The following UBE3C variants were observed in gnomAD, a reference collection of about 807,000 sequenced individuals.
UBE3C encodes the protein ubiquitin protein ligase E3C.
UBE3C carries 42 observed loss-of-function variants against 129.4 expected under a neutral mutation model. The ratio of observed to expected loss-of-function variants is 0.32; its 90% CI spans 0.25 to 0.42. The LOEUF is 0.42. Ranked by LOEUF, UBE3C falls within the 10% of genes least tolerant of loss-of-function variation. UBE3C has a pLI of 1.00. For missense variants in UBE3C, 1,049 were observed against 1,319.1 expected (o/e 0.80, Z 3.17); for synonymous variants, 510 against 492.4 (o/e 1.04, Z -0.47).
chr7:157,192,562 C>T (rs1808999213), intron 10 of UBE3C: 7 of 765,264 alleles, frequency 9.1e-6, no homozygotes, highest in East Asian at 2.4e-5. Flanking sequence ...AAGGAGCTTA[C>T]TCTTCATCTT....
chr7:157,144,413 G>A (rs1041994210), intron 1 of UBE3C, among the ~76,000 whole-genome samples: 16 of 152,128 alleles, frequency 1.1e-4, no homozygotes, highest in Admixed American at 8.5e-4. Context: ...TTTGGGAGAC[G>A]GGGGAAACTT....
In UBE3C at chr7:157,269,242, G is replaced by A. The variant is rs1405469908; in HGVS notation, c.*1487G>A. On this transcript the variant is annotated 3_prime_UTR_variant, in exon 23 of 23. Coordinates refer to ENST00000348165, the MANE Select transcript of UBE3C (RefSeq NM_014671.3). ...ATATTTTATTAGTATTTTGGAAATA[G>A]CATATCTGAGACTGAAGAGAAATTG... is the stretch of plus-strand genomic sequence containing the variant. The A allele has an allele frequency of 6.6e-6, 1 of 152,462 alleles. No homozygotes were observed. Among genetic ancestry groups the A allele is most frequent in the Admixed American group, 6.6e-5 (1 of 15,266 alleles). The allele number at this position is 152,462 out of a possible 1,614,324, so 9.4% of individuals were successfully genotyped here.
chr7:157,147,983 A>G (rs1807652886), intron 1 of UBE3C, among the ~76,000 whole-genome samples: 1 of 152,200 alleles, frequency 6.6e-6, no homozygotes, highest in Non-Finnish European at 1.5e-5. Flanking sequence ...GATGAGGGAC[A>G]TCAATTTAGG....
intron 21 of UBE3C, 51 bp downstream of exon 21, chr7:157,254,361 A>G (rs748225243): frequency 4.4e-5 from 49 of 1,110,984 alleles, no homozygotes; most frequent in Non-Finnish European, 5.8e-5. Flanking sequence ...AGGTGGTCAT[A>G]TTTCCAAAGT....
intron 16 of UBE3C, among the ~76,000 whole-genome samples, chr7:157,224,770 G>C (rs927010987): frequency 2.7e-5 from 3 of 111,650 alleles, no homozygotes; most frequent in African/African-American, 9.9e-5. Context: ...CTCCCTGCAC[G>C]TGCGTACACA....
intron 19 of UBE3C, among the ~76,000 whole-genome samples, chr7:157,249,091 A>G (rs1366812187): frequency 2.0e-5 from 3 of 152,214 alleles, no homozygotes; most frequent in Non-Finnish European, 2.9e-5. Context: ...CTTTATCAAC[A>G]TGTAACTCAC....
chr7:157,199,305 C>G (rs1809212808), intron 10 of UBE3C, among the ~76,000 whole-genome samples: 2 of 151,930 alleles, frequency 1.3e-5, no homozygotes, highest in Admixed American at 1.3e-4. Flanking sequence ...GTATTCTTAG[C>G]AAATAAAACT....
intron 19 of UBE3C, among the ~76,000 whole-genome samples, chr7:157,253,294 G>A (rs368247491): frequency 2.4e-4 from 37 of 152,282 alleles, no homozygotes; most frequent in African/African-American, 7.0e-4. Context: ...CTGTGTTTCC[G>A]CTGTGTTGCT....
intron 10 of UBE3C, among the ~76,000 whole-genome samples, chr7:157,198,978 A>G (rs73505598): frequency 0.051 from 7,697 of 152,318 alleles, 431 homozygotes; most frequent in African/African-American, 0.14. Context: ...AGAAATATGT[A>G]TACATTCACA....
At chr7:157,168,224 A>G (rs1014499286) in intron 2 of UBE3C, among the ~76,000 whole-genome samples, 1 of 150,970 alleles carries the variant, frequency 6.6e-6, no homozygotes, top group African/African-American at 2.4e-5. Context: ...GGTGGCGGGT[A>G]CCTGTAGTCC....
intron 10 of UBE3C, chr7:157,192,941 C>A (rs1809014140): frequency 1.1e-5 from 7 of 628,598 alleles, no homozygotes; most frequent in African/African-American, 3.7e-5. Flanking sequence ...TTAATTTAAA[C>A]TGTAGCATGA....
chr7:157,256,981 A>T lies in UBE3C; in HGVS notation c.3018A>T (p.Glu1006Asp), dbSNP rs755336556. 5.6e-6 allele frequency: 9 copies of T among 1,614,088 alleles called. No individual in the cohort carries two copies. The highest frequency in any genetic ancestry group is 1.7e-5 in the Admixed American group (1 of 59,996). ...GAGTTGTGGAAGGGTTCACTGATGAAGAAAAGCGCAAACTGCTGAAGTTTG... is the reference window on the plus strand; with the variant it reads ...GAGTTGTGGAAGGGTTCACTGATGATGAAAAGCGCAAACTGCTGAAGTTTG... Reference protein sequence around the residue: ...FWRVVEGFTDEEKRKLLKFVT... With the variant: ...FWRVVEGFTDDEKRKLLKFVT... The change falls in exon 22 of 23, where the codon GAA becomes GAT. Residue 1006 changes from glutamate to aspartate, a missense_variant. Physicochemically the swap from Glu to Asp is conservative, Grantham distance 45. This residue lies in a region of UBE3C where 243 missense variants were observed against 368.7 expected (regional missense o/e 0.66). Coordinates refer to ENST00000348165, the MANE Select transcript of UBE3C (RefSeq NM_014671.3).
chr7:157,189,729 T>C (rs2116947838), intron 10 of UBE3C, among the ~76,000 whole-genome samples: 1 of 151,154 alleles, frequency 6.6e-6, no homozygotes, highest in East Asian at 2.0e-4. Flanking sequence ...CTTGGGCTTC[T>C]CAGTTTCCTT....
chr7:157,228,243 G>A (rs552513999), intron 17 of UBE3C, among the ~76,000 whole-genome samples: 1 of 152,240 alleles, frequency 6.6e-6, no homozygotes, highest in African/African-American at 2.4e-5. Flanking sequence ...TGTTCCTGCA[G>A]TTGGTGCTCA....
rs919940070 is a variant in UBE3C, at chr7:157,269,301, A to C, written c.*1546A>C. The stretch of plus-strand genomic sequence containing the variant: ...CTTATTTGTGGTTTTTTTCTCAGCT[A>C]TTCTGAGCTTATTTATTTATTTGTA... On this transcript the variant is annotated 3_prime_UTR_variant, in exon 23 of 23. Transcript: ENST00000348165. The C allele has an allele frequency of 6.6e-6, 1 of 152,344 alleles. No individual in the cohort carries two copies. Among genetic ancestry groups the C allele is most frequent in the African/African-American group, 2.4e-5 (1 of 41,444 alleles). 9.4% of individuals were successfully genotyped at this position (152,344 alleles called of 1,614,324 possible).
intron 14 of UBE3C, among the ~76,000 whole-genome samples, chr7:157,220,391 T>C (rs1449585576): frequency 6.6e-6 from 1 of 152,254 alleles, no homozygotes; most frequent in African/African-American, 2.4e-5. Context: ...TCTATTTTGC[T>C]TCATAAAGCA....
chr7:157,248,094 C>G lies in UBE3C; in HGVS notation c.2482-274C>G, dbSNP rs561498995. On this transcript the variant is annotated intron_variant, in intron 18 of 22. Transcript: ENST00000348165. ...GAGGAGCATTTGTTGGCTTCTGTCT[C>G]ACAAGAAGGATCTGTCTCTTCATAA... 1.8e-4 allele frequency among the ~76,000 whole-genome samples: 28 copies of G among 152,298 alleles called. No individual in the cohort carries two copies. The South Asian group carries it at 4.6e-3, about 25-fold the overall frequency.
At chr7:157,189,122 G>A in intron 10 of UBE3C, 2 of 404,964 alleles carry the variant, frequency 4.9e-6, no homozygotes. Context: ...AAACTTGGAA[G>A]CATATACAAG....
intron 5 of UBE3C, 34 bp downstream of exon 5, chr7:157,175,068 ATGTAT>A (rs1390304583): frequency 6.6e-7 from 1 of 1,513,846 alleles, no homozygotes; most frequent in Non-Finnish European, 9.0e-7. Context: ...AACGTATATA[ATGTAT>A]TGATCACCTT....
Sources: allele counts gnomAD v4.1 joint callset (sites outside exome capture counted in the v4.1 genomes callset), GRCh38; gene constraint gnomAD v4.1.1; regional missense constraint gnomAD v4.1.1; transcripts MANE v1.5; gene names NCBI Gene and HGNC (gene_info 2026-07-23, HGNC 2026-07-21).